The following SGMS2 variants were observed in gnomAD, a reference collection of about 807,000 sequenced individuals.
SGMS2 encodes phosphatidylcholine:ceramide cholinephosphotransferase 2.
Under a neutral mutation model 43.8 loss-of-function variants are expected in SGMS2, and 21 were observed. The observed-to-expected ratio is 0.48, with a 90% CI of 0.34 to 0.69. The LOEUF is 0.69. Ranked by LOEUF, SGMS2 falls within the 30% of genes least tolerant of loss-of-function variation. The probability of loss-of-function intolerance (pLI) is 0.01; values close to 1 mark genes in which losing one functional copy is unlikely to be tolerated. For missense variants in SGMS2, 384 were observed against 443.2 expected (o/e 0.87, Z 1.20); for synonymous variants, 167 against 160.6 (o/e 1.04, Z -0.30).
intron 1 of SGMS2, among the ~76,000 whole-genome samples, chr4:107,851,282 A>C (rs546158644): frequency 2.0e-5 from 3 of 152,316 alleles, no homozygotes; most frequent in African/African-American, 7.2e-5. Flanking sequence ...CTTTCAAACA[A>C]GTTTCTCACA....
intron 2 of SGMS2, among the ~76,000 whole-genome samples, chr4:107,881,717 T>A (rs1235097045): frequency 6.6e-6 from 1 of 152,192 alleles, no homozygotes; most frequent in Non-Finnish European, 1.5e-5. Flanking sequence ...TATCTAACTA[T>A]ATTTTTTTAC....
intron 2 of SGMS2, chr4:107,867,536 AAG>A (rs1202389634): frequency 1.3e-5 from 2 of 152,168 alleles, no homozygotes; most frequent in East Asian, 1.9e-4. Context: ...GCTTTTCCCA[AAG>A]AGGGGTAGAA....
chr4:107,891,588 T>C (rs1730221793), intron 2 of SGMS2, among the ~76,000 whole-genome samples: 1 of 152,020 alleles, frequency 6.6e-6, no homozygotes, highest in African/African-American at 2.4e-5. Context: ...AGCAGAGGAT[T>C]AATAGGCAAA....
chr4:107,842,902 A>G (rs1478073288), intron 1 of SGMS2, among the ~76,000 whole-genome samples: 2 of 152,190 alleles, frequency 1.3e-5, no homozygotes, highest in East Asian at 3.8e-4. Flanking sequence ...AAATTATGAA[A>G]CTACATTCAG....
chr4:107,907,186 T>C (rs1487315884), intron 5 of SGMS2: 1 of 152,218 alleles, frequency 6.6e-6, no homozygotes, highest in Non-Finnish European at 1.5e-5. Flanking sequence ...ATATCCAAAA[T>C]TAGAAAATCA....
At chr4:107,906,961 C>G (rs1020183735) in intron 5 of SGMS2, among the ~76,000 whole-genome samples, 4 of 152,148 alleles carry the variant, frequency 2.6e-5, no homozygotes, top group African/African-American at 9.7e-5. Flanking sequence ...CGGGTAGGGT[C>G]TGAGGTGCTG....
chr4:107,866,082 T>A (rs1728092438), intron 2 of SGMS2, among the ~76,000 whole-genome samples: 1 of 152,206 alleles, frequency 6.6e-6, no homozygotes, highest in Non-Finnish European at 1.5e-5. Flanking sequence ...GGTTAGAACC[T>A]GGATTTTAGG....
intron 2 of SGMS2, among the ~76,000 whole-genome samples, chr4:107,879,470 T>TC (rs1729179125): frequency 9.1e-6 from 1 of 109,966 alleles, no homozygotes; most frequent in Non-Finnish European, 2.1e-5. Context: ...TGGGCTATTT[T>TC]TTTTTTTTCG....
chr4:107,876,134 T>C (rs1728898703), intron 2 of SGMS2, among the ~76,000 whole-genome samples: 1 of 152,222 alleles, frequency 6.6e-6, no homozygotes. Context: ...CTTGAACTCA[T>C]TTTGTTAGCA....
At chr4:107,829,042 T>C (rs1725748192) in intron 1 of SGMS2, among the ~76,000 whole-genome samples, 1 of 152,226 alleles carries the variant, frequency 6.6e-6, no homozygotes, top group Admixed American at 6.5e-5. Flanking sequence ...ATTCTACTTC[T>C]ACACTTTGAT....
chr4:107,907,167 A>G (rs570664352), intron 5 of SGMS2: 3 of 152,264 alleles, frequency 2.0e-5, no homozygotes, highest in Non-Finnish European at 4.4e-5. Flanking sequence ...CTGACAAGTA[A>G]TAAGGAATAT....
chr4:107,851,526 A>C (rs569925035), intron 1 of SGMS2, among the ~76,000 whole-genome samples: 1 of 152,286 alleles, frequency 6.6e-6, no homozygotes, highest in South Asian at 2.1e-4. Flanking sequence ...CTCTGACTAA[A>C]TTACTCAGGT....
chr4:107,829,472 A>G (rs185659047), intron 1 of SGMS2, among the ~76,000 whole-genome samples: 84 of 152,340 alleles, frequency 5.5e-4, no homozygotes, highest in African/African-American at 1.9e-3. Flanking sequence ...ATTTCTAACA[A>G]TGACTTGTAA....
At chr4:107,889,982 G>C (rs566529225) in intron 2 of SGMS2, among the ~76,000 whole-genome samples, 1 of 152,118 alleles carries the variant, frequency 6.6e-6, no homozygotes, top group Non-Finnish European at 1.5e-5. Context: ...CAAAAAGGGA[G>C]AATTTTTATG....
chr4:107,871,816 T>C (rs577926327), intron 2 of SGMS2, among the ~76,000 whole-genome samples: 4 of 152,312 alleles, frequency 2.6e-5, no homozygotes, highest in Admixed American at 1.3e-4. Flanking sequence ...GAATTCTTGT[T>C]AGATATTTGA....
At chr4:107,834,238 A>G (rs1726049669) in intron 1 of SGMS2, among the ~76,000 whole-genome samples, 1 of 152,238 alleles carries the variant, frequency 6.6e-6, no homozygotes, top group South Asian at 2.1e-4. Flanking sequence ...CAAGGTTTAC[A>G]TTTTGACGGC....
intron 2 of SGMS2, among the ~76,000 whole-genome samples, chr4:107,882,930 T>G (rs1729473662): frequency 6.6e-6 from 1 of 152,210 alleles, no homozygotes; most frequent in Non-Finnish European, 1.5e-5. Context: ...ATGCTTTTTT[T>G]GATCAATGTT....
At chr4:107,832,908 GTCCCAGCTATT>G (rs1165430744) in intron 1 of SGMS2, among the ~76,000 whole-genome samples, 3 of 152,106 alleles carry the variant, frequency 2.0e-5, no homozygotes, top group Non-Finnish European at 4.4e-5. Context: ...CACACCTGAA[GTCCCAGCTATT>G]TGGGAGGCAG....
At chr4:107,834,411 T>A (rs1726059537) in intron 1 of SGMS2, among the ~76,000 whole-genome samples, 1 of 152,214 alleles carries the variant, frequency 6.6e-6, no homozygotes, top group South Asian at 2.1e-4. Context: ...CACTTGAATC[T>A]TTTTTGTCAG....
Sources: allele counts gnomAD v4.1 joint callset (sites outside exome capture counted in the v4.1 genomes callset), GRCh38; gene constraint gnomAD v4.1.1; transcripts MANE v1.5; gene names NCBI Gene and HGNC (gene_info 2026-07-23, HGNC 2026-07-21).